Variants in MERTK observed in about 807,000 individuals in gnomAD.
MERTK encodes tyrosine-protein kinase Mer.
In MERTK, 69 loss-of-function variants were observed where a neutral mutation model predicts 99.3. The observed-to-expected ratio is 0.70, with a 90% CI of 0.57 to 0.85. MERTK has a LOEUF of 0.85. Ranked by LOEUF, MERTK falls within the 40% of genes least tolerant of loss-of-function variation. The pLI is 0.00. For synonymous variants in MERTK, 426 were observed against 467.6 expected, an observed-to-expected ratio of 0.91 and a Z score of 1.15; for missense variants, 1,125 against 1,249.4, an observed-to-expected ratio of 0.90 and a Z score of 1.50.
intron 4 of MERTK, among the ~76,000 whole-genome samples, chr2:111,953,299 G>A (rs577048073): frequency 1.9e-4 from 29 of 152,316 alleles, no homozygotes; most frequent in African/African-American, 5.3e-4. Context: ...CTGCTGAGTC[G>A]AAATTCTAGT....
At chr2:111,974,918 T>C (rs1005002839) in intron 6 of MERTK, among the ~76,000 whole-genome samples, 11 of 152,148 alleles carry the variant, frequency 7.2e-5, no homozygotes, top group African/African-American at 2.4e-4. Flanking sequence ...ATATTATATC[T>C]GTTTCCTCTG....
At chr2:111,967,635 C>A (rs1685382953) in intron 5 of MERTK, among the ~76,000 whole-genome samples, 1 of 152,136 alleles carries the variant, frequency 6.6e-6, no homozygotes, top group Admixed American at 6.5e-5. Context: ...TACACATGCA[C>A]ACATACACAT....
chr2:111,920,028 GA>G (rs1345370882), intron 1 of MERTK, among the ~76,000 whole-genome samples: 1 of 152,062 alleles, frequency 6.6e-6, no homozygotes, highest in Non-Finnish European at 1.5e-5. Context: ...CAGCCTGTGG[GA>G]AGGGCAACAA....
intron 4 of MERTK, among the ~76,000 whole-genome samples, chr2:111,961,526 TTCC>T (rs1284778903): frequency 6.6e-6 from 1 of 152,186 alleles, no homozygotes; most frequent in Non-Finnish European, 1.5e-5. Flanking sequence ...GAGGGAAGTA[TTCC>T]TCGTCTTTGA....
intron 2 of MERTK, among the ~76,000 whole-genome samples, chr2:111,937,433 A>G (rs1421886891): frequency 6.6e-6 from 1 of 152,262 alleles, no homozygotes; most frequent in East Asian, 1.9e-4. Flanking sequence ...ACGGAACAAC[A>G]CTGCCTCGAA....
At chr2:111,969,354 G>A (rs1041135999) in intron 6 of MERTK, among the ~76,000 whole-genome samples, 1 of 152,276 alleles carries the variant, frequency 6.6e-6, no homozygotes, top group Non-Finnish European at 1.5e-5. Flanking sequence ...GAGGGACATC[G>A]CATCTGGGAG....
intron 1 of MERTK, among the ~76,000 whole-genome samples, chr2:111,925,292 A>ATATATTTTT (rs372747015): frequency 1.6e-4 from 4 of 24,488 alleles, no homozygotes; most frequent in African/African-American, 4.3e-4. Flanking sequence ...ATATATATAT[A>ATATATTTTT]TTTTTTTTTT....
chr2:111,925,290 A>ATTTTTTTTTT (rs1336943200), intron 1 of MERTK, among the ~76,000 whole-genome samples: 2 of 31,496 alleles, frequency 6.4e-5, no homozygotes, highest in Non-Finnish European at 1.1e-4. Flanking sequence ...ATATATATAT[A>ATTTTTTTTTT]TATTTTTTTT....
chr2:111,989,360 CT>C (rs542733750), intron 8 of MERTK, among the ~76,000 whole-genome samples: 140 of 142,382 alleles, frequency 9.8e-4, no homozygotes, highest in East Asian at 2.9e-3. Context: ...GTTGTGAATT[CT>C]TTTTTTTTTT....
At chr2:111,924,465 C>T (rs140950165) in intron 1 of MERTK, among the ~76,000 whole-genome samples, 1 of 152,164 alleles carries the variant, frequency 6.6e-6, no homozygotes, top group Non-Finnish European at 1.5e-5. Flanking sequence ...TGCTGTCAGC[C>T]CCCTCTTCTT....
chr2:111,906,104 G>A (rs1684132294), intron 1 of MERTK, among the ~76,000 whole-genome samples: 2 of 152,090 alleles, frequency 1.3e-5, no homozygotes, highest in African/African-American at 4.8e-5. Flanking sequence ...TTGGTCCCTT[G>A]AAAACAAGAT....
chr2:112,013,998 G>A (rs1370726817), intron 15 of MERTK, among the ~76,000 whole-genome samples: 1 of 151,706 alleles, frequency 6.6e-6, no homozygotes, highest in East Asian at 1.9e-4. Context: ...GGGATTACAG[G>A]CATGCGCTAT....
At chr2:111,997,027 A>T (rs183012579) in intron 9 of MERTK, 4,778 of 399,316 alleles carry the variant, frequency 0.012, 44 homozygotes, top group Middle Eastern at 0.019. Context: ...TTTCTCATTG[A>T]TTTTAAAATT....
intron 8 of MERTK, among the ~76,000 whole-genome samples, chr2:111,987,135 G>C (rs1316917192): frequency 1.3e-5 from 2 of 152,184 alleles, no homozygotes; most frequent in South Asian, 4.1e-4. Context: ...CAGAGCAGTT[G>C]GATATTTTTG....
intron 1 of MERTK, among the ~76,000 whole-genome samples, chr2:111,907,730 T>C (rs1333426375): frequency 6.6e-6 from 1 of 152,260 alleles, no homozygotes; most frequent in African/African-American, 2.4e-5. Flanking sequence ...GTTTATTCAT[T>C]CAATATTATT....
intron 3 of MERTK, among the ~76,000 whole-genome samples, chr2:111,945,652 C>G (rs1024938252): frequency 2.0e-5 from 3 of 152,214 alleles, no homozygotes; most frequent in African/African-American, 7.2e-5. Context: ...AAAAGGCAAT[C>G]TCTGCCCTCA....
intron 1 of MERTK, among the ~76,000 whole-genome samples, chr2:111,924,561 C>T (rs922051075): frequency 6.6e-6 from 1 of 152,148 alleles, no homozygotes; most frequent in African/African-American, 2.4e-5. Context: ...ACTTCCTGCT[C>T]TTCTTCCTCC....
At chr2:111,987,694 G>A (rs1024278223) in intron 8 of MERTK, among the ~76,000 whole-genome samples, 1 of 152,168 alleles carries the variant, frequency 6.6e-6, no homozygotes, top group South Asian at 2.1e-4. Flanking sequence ...AGAGTTCAGT[G>A]AGCAAATAGA....
At chr2:112,003,414 A>G (rs1396525968) in intron 12 of MERTK, 2 of 398,090 alleles carry the variant, frequency 5.0e-6, no homozygotes, top group African/African-American at 2.0e-5. Context: ...TCCTTGAAAA[A>G]TATTAATTTT....
Sources: gnomAD v4.1 joint callset for allele counts (sites outside exome capture counted in the v4.1 genomes callset) on GRCh38, gnomAD v4.1.1 for gene constraint, MANE v1.5 for transcripts, NCBI Gene and HGNC (gene_info 2026-07-23, HGNC 2026-07-21) for gene names.